Variants in FAM117A observed in about 807,000 individuals in gnomAD.
FAM117A encodes the protein family with sequence similarity 117 member A.
In FAM117A, 21 loss-of-function variants were observed where a neutral mutation model predicts 44.1. That is an observed-to-expected ratio of 0.48 (90% CI 0.34 to 0.69). The LOEUF is 0.69. FAM117A is among the 30% of genes least tolerant of loss of function. The probability of loss-of-function intolerance (pLI) is 0.01; values close to 1 mark genes in which losing one functional copy is unlikely to be tolerated. For missense variants in FAM117A, 498 were observed against 589.9 expected (o/e 0.84, Z 1.61); for synonymous variants, 220 against 238.3 (o/e 0.92, Z 0.71).
chr17:49,746,395 G>T (rs1462413708), intron 1 of FAM117A, among the ~76,000 whole-genome samples: 1 of 152,190 alleles, frequency 6.6e-6, no homozygotes, highest in Non-Finnish European at 1.5e-5. Flanking sequence ...ACATTGGCAG[G>T]TTATAGCCAA....
intron 2 of FAM117A, among the ~76,000 whole-genome samples, chr17:49,726,797 G>A (rs1020227697): frequency 5.9e-5 from 9 of 151,542 alleles, no homozygotes; most frequent in African/African-American, 2.2e-4. Flanking sequence ...GTCAACTAGC[G>A]AGACCCTATC....
intron 1 of FAM117A, among the ~76,000 whole-genome samples, chr17:49,781,651 G>T (rs2073789782): frequency 6.6e-6 from 1 of 152,138 alleles, no homozygotes; most frequent in Admixed American, 6.5e-5. Context: ...GGACTCTAGG[G>T]AAACACAGAA....
At chr17:49,716,087 G>A in intron 7 of FAM117A, 78 bp downstream of exon 7, 3 of 1,512,372 alleles carry the variant, frequency 2.0e-6, no homozygotes, top group African/African-American at 1.4e-5. Flanking sequence ...TATGACAAGA[G>A]AGAGTCCAAG....
chr17:49,751,812 C>A (rs376656316), intron 1 of FAM117A, among the ~76,000 whole-genome samples: 1 of 150,716 alleles, frequency 6.6e-6, no homozygotes, highest in African/African-American at 2.4e-5. Context: ...GGCATGGTGG[C>A]GGGTGTCTGT....
At position 49,763,974 on chromosome 17, in the gene FAM117A, C is replaced by A; in HGVS notation, c.114G>T (p.Arg38=). The A allele has an allele frequency of 8.1e-7, 1 of 1,228,834 alleles. No homozygotes were observed. Among genetic ancestry groups the A allele is most frequent in the Non-Finnish European group, 1.0e-6 (1 of 986,002 alleles). 76.1% of individuals were successfully genotyped at this position (1,228,834 alleles called of 1,614,324 possible). Residue 38 remains arginine (R), a synonymous_variant, in exon 1 of 8, where the codon CGG becomes CGT. Coordinates refer to ENST00000240364, the MANE Select transcript of FAM117A (RefSeq NM_030802.4). ...TGGCCCTGAGCGGCTGCAGCCCAGC[C>A]CGGGGGGAGCCGGCGGGGGCTGGGG... ...CSPPAPAGSP[R]AGLQPLRATI...
At chr17:49,715,927 C>T (rs1438764734) in intron 7 of FAM117A, among the ~76,000 whole-genome samples, 2 of 152,210 alleles carry the variant, frequency 1.3e-5, no homozygotes, top group Non-Finnish European at 2.9e-5. Context: ...CTTTCCAGCT[C>T]CTGCTGCGCT....
chr17:49,712,364 T>C lies in FAM117A; in HGVS notation c.1062-809A>G, dbSNP rs147740054. ...AACAGTGTCCCTGGCCTCTACTTAC[T>C]AGACCCCAGTAGTACCACGACTCCT... is the stretch of plus-strand genomic sequence containing the variant. On this transcript the variant is annotated intron_variant, in intron 7 of 7. Transcript: ENST00000240364. Among the ~76,000 whole-genome samples the C allele has an allele frequency of 1.7e-3, 260 of 152,312 alleles. 4 individuals are homozygous for C. The highest frequency in any genetic ancestry group is 0.013 in the Admixed American group (206 of 15,304).
chr17:49,740,471 G>A (rs1056416898), intron 1 of FAM117A, among the ~76,000 whole-genome samples: 22 of 152,142 alleles, frequency 1.4e-4, no homozygotes, highest in Non-Finnish European at 2.5e-4. Context: ...GGATGGTCTT[G>A]ATCTTCTGAC....
At chr17:49,786,676 T>C (rs193224400) in intron 1 of FAM117A, among the ~76,000 whole-genome samples, 125 of 145,102 alleles carry the variant, frequency 8.6e-4, no homozygotes, top group African/African-American at 2.9e-3. Flanking sequence ...ACTCGGGAGG[T>C]TGAGGCAGGA....
intron 1 of FAM117A, among the ~76,000 whole-genome samples, chr17:49,740,390 C>T (rs778408039): frequency 6.4e-4 from 97 of 152,128 alleles, no homozygotes; most frequent in South Asian, 1.5e-3. Context: ...GCTGGGACTA[C>T]AGGCGCCCAC....
chr17:49,770,721 T>C (rs1567838314), intron 1 of FAM117A, among the ~76,000 whole-genome samples: 1 of 151,842 alleles, frequency 6.6e-6, no homozygotes, highest in Non-Finnish European at 1.5e-5. Flanking sequence ...CTGGCTAACA[T>C]GGTGAAACCC....
intron 1 of FAM117A, among the ~76,000 whole-genome samples, chr17:49,762,264 G>A (rs1297830175): frequency 1.3e-5 from 2 of 152,278 alleles, no homozygotes; most frequent in East Asian, 3.9e-4. Flanking sequence ...CTAAGGTTCC[G>A]GTTCTTGTTC....
intron 2 of FAM117A, among the ~76,000 whole-genome samples, chr17:49,724,235 C>T (rs766050069): frequency 6.6e-6 from 1 of 152,142 alleles, no homozygotes; most frequent in Non-Finnish European, 1.5e-5. Flanking sequence ...GCTCCAGGAC[C>T]AACTCTAAAG....
intron 1 of FAM117A, among the ~76,000 whole-genome samples, chr17:49,735,974 G>A (rs555117031): frequency 1.3e-5 from 2 of 152,054 alleles, no homozygotes; most frequent in East Asian, 3.9e-4. Context: ...GAAAAGTCAG[G>A]AAATATATAA....
intron 2 of FAM117A, among the ~76,000 whole-genome samples, chr17:49,731,786 T>A (rs1287300625): frequency 6.6e-6 from 1 of 151,226 alleles, no homozygotes; most frequent in Non-Finnish European, 1.5e-5. Flanking sequence ...TCTCATTTTT[T>A]ATTTTTTTTA....
chr17:49,736,208 A>G (rs1229362830), intron 1 of FAM117A, among the ~76,000 whole-genome samples: 1 of 151,752 alleles, frequency 6.6e-6, no homozygotes, highest in Non-Finnish European at 1.5e-5. Context: ...AAAACACATC[A>G]TTTTAAATGA....
At chr17:49,740,374 C>T (rs546314928) in intron 1 of FAM117A, among the ~76,000 whole-genome samples, 2 of 152,072 alleles carry the variant, frequency 1.3e-5, no homozygotes, top group East Asian at 1.9e-4. Flanking sequence ...CTCAGCCTCC[C>T]GAGTAGCTGG....
chr17:49,777,602 G>A (rs902350651), intron 1 of FAM117A, among the ~76,000 whole-genome samples: 1 of 152,002 alleles, frequency 6.6e-6, no homozygotes, highest in African/African-American at 2.4e-5. Context: ...TAATGTTCAA[G>A]AATTCTTTTG....
At chr17:49,784,294 T>C (rs1476519811) in intron 1 of FAM117A, among the ~76,000 whole-genome samples, 2 of 152,170 alleles carry the variant, frequency 1.3e-5, no homozygotes, top group African/African-American at 4.8e-5. Context: ...TTTCAGTCTC[T>C]CCTTGTCTCT....
Sources: allele counts gnomAD v4.1 joint callset (sites outside exome capture counted in the v4.1 genomes callset), GRCh38; gene constraint gnomAD v4.1.1; transcripts MANE v1.5; gene names NCBI Gene and HGNC (gene_info 2026-07-23, HGNC 2026-07-21).